The following COL24A1 variants were observed in gnomAD, a reference collection of about 807,000 sequenced individuals.
COL24A1 encodes the protein collagen alpha-1(XXIV) chain.
In COL24A1, 224 loss-of-function variants were observed where a neutral mutation model predicts 253.9. The ratio of observed to expected loss-of-function variants is 0.88; its 90% confidence interval spans 0.79 to 0.99. The LOEUF is 0.99. Ranked by LOEUF, COL24A1 falls within the 50% of genes least tolerant of loss-of-function variation. COL24A1 has a pLI of 0.00. For missense variants in COL24A1, 2,131 were observed against 2,068.5 expected (o/e 1.03, Z -0.59); for synonymous variants, 685 against 673.7 (o/e 1.02, Z -0.26).
chr1:85,860,147 A>G (rs1678971283), intron 37 of COL24A1, among the ~76,000 whole-genome samples: 2 of 152,180 alleles, frequency 1.3e-5, no homozygotes, highest in Non-Finnish European at 2.9e-5. Flanking sequence ...TTATTGAGGA[A>G]TAATTAACAT....
intron 23 of COL24A1, among the ~76,000 whole-genome samples, chr1:85,961,993 C>T (rs960435073): frequency 1.3e-5 from 2 of 152,106 alleles, no homozygotes; most frequent in African/African-American, 2.4e-5. Flanking sequence ...AAAAAATATT[C>T]TCCTATTCGT....
intron 47 of COL24A1, among the ~76,000 whole-genome samples, chr1:85,802,871 A>G (rs1209786781): frequency 6.6e-6 from 1 of 152,162 alleles, no homozygotes; most frequent in Non-Finnish European, 1.5e-5. Context: ...CCCCACTTTG[A>G]GATTCATTCA....
intron 24 of COL24A1, among the ~76,000 whole-genome samples, chr1:85,942,776 C>T (rs914010327): frequency 2.6e-5 from 4 of 152,226 alleles, no homozygotes; most frequent in South Asian, 2.1e-4. Flanking sequence ...AATTGCATCA[C>T]GTTAGTTACA....
intron 34 of COL24A1, 140 bp downstream of exon 34, chr1:85,875,137 A>G: frequency 1.4e-6 from 1 of 702,794 alleles, no homozygotes; most frequent in Non-Finnish European, 2.4e-6. Flanking sequence ...AAGGAATAGG[A>G]GTTCCAAAAC....
chr1:85,745,075 TTA>T (rs1308579156), intron 56 of COL24A1, among the ~76,000 whole-genome samples: 1 of 152,188 alleles, frequency 6.6e-6, no homozygotes, highest in African/African-American at 2.4e-5. Flanking sequence ...GTCTACTGTA[TTA>T]TGTTTTTTAA....
At chr1:86,113,468 C>T (rs773590167) in intron 4 of COL24A1, among the ~76,000 whole-genome samples, 3 of 152,104 alleles carry the variant, frequency 2.0e-5, no homozygotes, top group Non-Finnish European at 4.4e-5. Flanking sequence ...GAGCAGAATA[C>T]TTCAGGAAGA....
At chr1:85,988,010 G>A (rs1271793254) in intron 19 of COL24A1, among the ~76,000 whole-genome samples, 1 of 151,496 alleles carries the variant, frequency 6.6e-6, no homozygotes, top group Admixed American at 6.6e-5. Context: ...CAAAGATTAG[G>A]TGAATGTACT....
At chr1:85,868,856 T>A in intron 35 of COL24A1, 21 bp from the exon 36 acceptor site, 1 of 1,547,966 alleles carries the variant, frequency 6.5e-7, no homozygotes, top group Non-Finnish European at 8.7e-7. Context: ...GCAGAAAGAG[T>A]ATGATTGAGT....
intron 47 of COL24A1, among the ~76,000 whole-genome samples, chr1:85,791,775 T>C (rs1281828546): frequency 1.3e-5 from 2 of 152,006 alleles, no homozygotes; most frequent in African/African-American, 2.4e-5. Context: ...CAAAGTCTCA[T>C]TACAGGCCAA....
At chr1:85,831,628 A>T (rs1400221339) in intron 43 of COL24A1, among the ~76,000 whole-genome samples, 1 of 152,114 alleles carries the variant, frequency 6.6e-6, no homozygotes, top group African/African-American at 2.4e-5. Context: ...CTTGTCAGAT[A>T]ATATTAGTGG....
chr1:86,097,465 C>G (rs1366884251), intron 5 of COL24A1, among the ~76,000 whole-genome samples: 23 of 40,596 alleles, frequency 5.7e-4, no homozygotes, highest in African/African-American at 1.6e-3. Flanking sequence ...CTCTTCCTCC[C>G]TCCTCCTCCT....
intron 31 of COL24A1, among the ~76,000 whole-genome samples, chr1:85,895,349 C>T (rs938780754): frequency 2.6e-5 from 4 of 152,006 alleles, no homozygotes; most frequent in African/African-American, 7.2e-5. Flanking sequence ...ACTCCAAAGG[C>T]CTAAAAGGAA....
intron 7 of COL24A1, among the ~76,000 whole-genome samples, chr1:86,088,079 C>A (rs569716137): frequency 6.6e-6 from 1 of 152,188 alleles, no homozygotes; most frequent in Non-Finnish European, 1.5e-5. Flanking sequence ...TAAGGGCTGA[C>A]AATTTATGTG....
chr1:85,838,355 G>A (rs1676241296), intron 43 of COL24A1, among the ~76,000 whole-genome samples: 1 of 152,166 alleles, frequency 6.6e-6, no homozygotes, highest in African/African-American at 2.4e-5. Context: ...GTTAGAGAAG[G>A]CCTCTCAGGA....
chr1:85,840,829 G>A (rs1676530241), intron 42 of COL24A1, among the ~76,000 whole-genome samples: 2 of 152,042 alleles, frequency 1.3e-5, no homozygotes, highest in African/African-American at 2.4e-5. Context: ...TGTGTAAACT[G>A]CTATAAGAAG....
At chr1:85,805,039 C>T (rs1671820848) in intron 47 of COL24A1, among the ~76,000 whole-genome samples, 1 of 152,098 alleles carries the variant, frequency 6.6e-6, no homozygotes, top group African/African-American at 2.4e-5. Flanking sequence ...CAGGGTCTTG[C>T]TATATCGCCC....
At chr1:86,011,789 G>T (rs1401637199) in intron 19 of COL24A1, among the ~76,000 whole-genome samples, 1 of 152,212 alleles carries the variant, frequency 6.6e-6, no homozygotes, top group Non-Finnish European at 1.5e-5. Context: ...AGAACAAGGA[G>T]AATGTTCTGA....
At chr1:85,890,011 CT>C (rs1420531789) in intron 31 of COL24A1, among the ~76,000 whole-genome samples, 1 of 152,092 alleles carries the variant, frequency 6.6e-6, no homozygotes, top group Non-Finnish European at 1.5e-5. Context: ...CAATATCTGT[CT>C]TTCTGTGACT....
intron 53 of COL24A1, among the ~76,000 whole-genome samples, chr1:85,770,527 A>C (rs530883846): frequency 4.6e-5 from 7 of 152,198 alleles, no homozygotes; most frequent in East Asian, 3.9e-4. Flanking sequence ...ATAAAAAAAA[A>C]ACAAAAGGAT....
Sources: allele counts gnomAD v4.1 joint callset (sites outside exome capture counted in the v4.1 genomes callset), GRCh38; gene constraint gnomAD v4.1.1; transcripts MANE v1.5; gene names NCBI Gene and HGNC (gene_info 2026-07-23, HGNC 2026-07-21).